Variants in VWC2L observed in about 807,000 individuals in gnomAD.
The protein encoded by VWC2L is von Willebrand factor C domain-containing protein 2-like.
A neutral mutation model predicts 21.6 loss-of-function variants in VWC2L; 10 were observed. The observed-to-expected ratio is 0.46, with a 90% CI of 0.29 to 0.78. VWC2L has a LOEUF of 0.78. Ranked by LOEUF, VWC2L falls within the 30% of genes least tolerant of loss-of-function variation. The pLI is 0.10. For synonymous variants in VWC2L, 96 were observed against 94.3 expected (o/e 1.02, Z -0.10); for missense variants, 209 against 277.1 (o/e 0.75, Z 1.74).
chr2:214,529,274 G>A (rs1233396860), intron 3 of VWC2L, among the ~76,000 whole-genome samples: 1 of 152,130 alleles, frequency 6.6e-6, no homozygotes, highest in African/African-American at 2.4e-5. Context: ...CTGAATCTCA[G>A]AGAAGTTTAT....
intron 3 of VWC2L, among the ~76,000 whole-genome samples, chr2:214,557,902 TTC>T (rs1456972931): frequency 6.6e-5 from 10 of 152,098 alleles, no homozygotes; most frequent in Non-Finnish European, 1.5e-4. Flanking sequence ...TTAAAGATAT[TTC>T]TCTCTCATTT....
chr2:214,501,298 C>A (rs1574600532), intron 3 of VWC2L, among the ~76,000 whole-genome samples: 1 of 152,266 alleles, frequency 6.6e-6, no homozygotes, highest in South Asian at 2.1e-4. Flanking sequence ...GGAAAGAAAC[C>A]TGAGCCATAG....
chr2:214,509,788 G>T (rs1207226890), intron 3 of VWC2L, among the ~76,000 whole-genome samples: 3 of 152,144 alleles, frequency 2.0e-5, no homozygotes, highest in East Asian at 3.8e-4. Flanking sequence ...ACAGATAGCT[G>T]TTGACATTTT....
rs555200111 is a variant in VWC2L at position 214,510,983 on chromosome 2, T to C, written c.521-64689T>C. 4.5e-4 allele frequency among the ~76,000 whole-genome samples: 69 copies of C among 152,290 alleles called. 1 individual carries two copies. Among genetic ancestry groups the C allele is most frequent in the East Asian group, 1.2e-3 (6 of 5,180 alleles). On this transcript the variant is annotated intron_variant, in intron 3 of 3. Transcript: ENST00000312504. ...CCACCAACATAACACTTTGAACCTA[T>C]ATGTAATATTTGTAAAAGTAAGGCT...
At chr2:214,557,273 A>T (rs1305189903) in intron 3 of VWC2L, among the ~76,000 whole-genome samples, 1 of 152,042 alleles carries the variant, frequency 6.6e-6, no homozygotes, top group East Asian at 1.9e-4. Flanking sequence ...AGAGAATGAA[A>T]ACCAAGCTAA....
chr2:214,444,551 T>A (rs1340821656), intron 3 of VWC2L, among the ~76,000 whole-genome samples: 2 of 151,988 alleles, frequency 1.3e-5, no homozygotes, highest in Non-Finnish European at 2.9e-5. Flanking sequence ...ACTTTTTAAA[T>A]AAGTTGACAA....
chr2:214,529,120 T>G (rs1052422832), intron 3 of VWC2L, among the ~76,000 whole-genome samples: 2 of 152,180 alleles, frequency 1.3e-5, no homozygotes, highest in African/African-American at 4.8e-5. Flanking sequence ...AACCAGGATC[T>G]GAAACCAAAG....
chr2:214,439,439 A>G (rs1387609094), intron 3 of VWC2L, among the ~76,000 whole-genome samples: 3 of 152,010 alleles, frequency 2.0e-5, no homozygotes, highest in Non-Finnish European at 4.4e-5. Flanking sequence ...TTAAAAAGCA[A>G]CAATAAGCTA....
chr2:214,437,956 C>A (rs1190364938), intron 3 of VWC2L, among the ~76,000 whole-genome samples: 1 of 150,414 alleles, frequency 6.6e-6, no homozygotes, highest in Non-Finnish European at 1.5e-5. Flanking sequence ...AGTTGCTCAT[C>A]TCGCTCCTCT....
In VWC2L at chr2:214,503,571, G is replaced by A. The variant is rs181371896; in HGVS notation, c.520+66813G>A. Among the ~76,000 whole-genome samples, 312 of 152,090 alleles carry A rather than the reference G, an allele frequency of 2.1e-3. 7 individuals are homozygous for A. The highest frequency in any genetic ancestry group is 3.3e-4 in the Admixed American group (5 of 15,270). The stretch of plus-strand genomic sequence containing the variant: ...AAACTTAGAAAGCATTAAAATTTCC[G>A]GGGATACTTTTTTGTAATCCAAACT... On this transcript the variant is annotated intron_variant, in intron 3 of 3. Transcript: ENST00000312504.
chr2:214,439,143 G>T (rs1031324104), intron 3 of VWC2L, among the ~76,000 whole-genome samples: 1 of 151,974 alleles, frequency 6.6e-6, no homozygotes, highest in Non-Finnish European at 1.5e-5. Flanking sequence ...ATGAAGACAC[G>T]TATGACCACC....
At chr2:214,522,788 T>G (rs1426787946) in intron 3 of VWC2L, among the ~76,000 whole-genome samples, 1 of 152,206 alleles carries the variant, frequency 6.6e-6, no homozygotes, top group Non-Finnish European at 1.5e-5. Flanking sequence ...TTTTATAGAA[T>G]AAGAAGCCAC....
chr2:214,536,597 G>C (rs1467276562), intron 3 of VWC2L, among the ~76,000 whole-genome samples: 7 of 151,952 alleles, frequency 4.6e-5, no homozygotes, highest in African/African-American at 1.7e-4. Flanking sequence ...AACAGACTTA[G>C]CTTCCTTTAC....
rs1330592732 is a variant in VWC2L at position 214,576,149 on chromosome 2, T to A, written c.*329T>A. ...CTGGTAATGCCTCTGACCTACCAGC[T>A]CACTGTCCCCTGGTTTACTTCATTT... On this transcript the variant is annotated 3_prime_UTR_variant, in exon 4 of 4. Coordinates refer to ENST00000312504, the MANE Select transcript of VWC2L (RefSeq NM_001080500.4). 5.9e-6 allele frequency: 1 copy of A among 168,994 alleles called. No homozygotes were observed. Among genetic ancestry groups the A allele is most frequent in the African/African-American group, 2.4e-5 (1 of 42,120 alleles). The allele number at this position is 168,994 out of a possible 1,614,324, so 10.5% of individuals were successfully genotyped here.
intron 3 of VWC2L, among the ~76,000 whole-genome samples, chr2:214,561,092 C>G (rs559604920): frequency 6.6e-6 from 1 of 152,178 alleles, no homozygotes; most frequent in South Asian, 2.1e-4. Flanking sequence ...GGTTCTCAAA[C>G]TTTAGCCTGC....
At chr2:214,482,737 TG>T (rs1688625159) in intron 3 of VWC2L, among the ~76,000 whole-genome samples, 1 of 151,680 alleles carries the variant, frequency 6.6e-6, no homozygotes, top group African/African-American at 2.4e-5. Flanking sequence ...CTGTTTAGCC[TG>T]GGCAACACAG....
At chr2:214,546,009 C>T (rs996182943) in intron 3 of VWC2L, among the ~76,000 whole-genome samples, 4 of 152,182 alleles carry the variant, frequency 2.6e-5, no homozygotes, top group African/African-American at 9.7e-5. Flanking sequence ...CTATCACCTC[C>T]GTCTCCAGCC....
At chr2:214,510,221 C>G (rs1689032369) in intron 3 of VWC2L, 1 of 151,982 alleles carries the variant, frequency 6.6e-6, no homozygotes, top group Non-Finnish European at 1.5e-5. Context: ...CAGATGTAAG[C>G]TGAATTGATT....
chr2:214,560,670 A>C (rs1001118417), intron 3 of VWC2L, among the ~76,000 whole-genome samples: 1 of 152,164 alleles, frequency 6.6e-6, no homozygotes, highest in South Asian at 2.1e-4. Flanking sequence ...TTCAATCCCA[A>C]AGATAAATAT....
Sources: gnomAD v4.1 joint callset for allele counts (sites outside exome capture counted in the v4.1 genomes callset) on GRCh38, gnomAD v4.1.1 for gene constraint, MANE v1.5 for transcripts, NCBI Gene and HGNC (gene_info 2026-07-23, HGNC 2026-07-21) for gene names.